The following DOCK3 variants were observed in gnomAD, a reference collection of about 807,000 sequenced individuals.
DOCK3 encodes the protein dedicator of cytokinesis protein 3.
Under a neutral mutation model 265.6 loss-of-function variants are expected in DOCK3, and 60 were observed. That is an observed-to-expected ratio of 0.23 (90% CI 0.18 to 0.28). The LOEUF is 0.28. DOCK3 is among the 10% of genes least tolerant of loss of function. The pLI is 1.00. For synonymous variants in DOCK3, 881 were observed against 938.0 expected (o/e 0.94, Z 1.11); for missense variants, 1,981 against 2,594.3 (o/e 0.76, Z 5.14).
At chr3:51,081,092 G>A (rs4244702) in intron 7 of DOCK3, among the ~76,000 whole-genome samples, 136,853 of 151,888 alleles carry the variant, frequency 0.9, 61,843 homozygotes, top group African/African-American at 0.95. Context: ...TTGCTAATAT[G>A]CACATGGATA....
At chr3:50,698,901 A>G (rs1265697696) in intron 1 of DOCK3, among the ~76,000 whole-genome samples, 2 of 152,086 alleles carry the variant, frequency 1.3e-5, no homozygotes, top group Non-Finnish European at 1.5e-5. Context: ...CTAGATATCA[A>G]TCCTTTATCA....
chr3:50,870,630 G>T (rs906486059), intron 3 of DOCK3, among the ~76,000 whole-genome samples: 9 of 151,964 alleles, frequency 5.9e-5, no homozygotes, highest in Non-Finnish European at 1.0e-4. Flanking sequence ...GATAAGTAAG[G>T]ACTTATTCCT....
At chr3:50,797,869 C>T (rs2042871832) in intron 2 of DOCK3, among the ~76,000 whole-genome samples, 1 of 152,030 alleles carries the variant, frequency 6.6e-6, no homozygotes, top group Non-Finnish European at 1.5e-5. Context: ...TTAATTGTTT[C>T]AACCTTTAAT....
At chr3:51,345,765 T>C (rs549889689) in intron 38 of DOCK3, among the ~76,000 whole-genome samples, 1 of 152,388 alleles carries the variant, frequency 6.6e-6, no homozygotes, top group African/African-American at 2.4e-5. Context: ...TAGAAAAATG[T>C]ACTCTTTTGA....
intron 7 of DOCK3, among the ~76,000 whole-genome samples, chr3:51,088,869 C>G (rs1211879090): frequency 6.6e-6 from 1 of 152,120 alleles, no homozygotes; most frequent in Non-Finnish European, 1.5e-5. Flanking sequence ...TTAAAGGCAT[C>G]ATTGTGGAAA....
intron 2 of DOCK3, among the ~76,000 whole-genome samples, chr3:50,819,975 A>G (rs2044309261): frequency 6.6e-6 from 1 of 152,168 alleles, no homozygotes. Flanking sequence ...ATAAAAAACA[A>G]CAACAACAAA....
In DOCK3 at chr3:51,232,556, A is replaced by G. The variant is rs147100639; in HGVS notation, c.1917+2947A>G. Among the ~76,000 whole-genome samples the G allele has an allele frequency of 1.3e-4, 20 of 152,278 alleles. No individual in the cohort carries two copies. In the East Asian group the frequency reaches 2.9e-3, roughly 22 times the overall value. Reference sequence around the variant, plus strand: ...ACTTCTGTTGTTTTTTGACTTTTCAATTATGGCCATTCTTGCAGGAGTAAG... The same window carrying G: ...ACTTCTGTTGTTTTTTGACTTTTCAGTTATGGCCATTCTTGCAGGAGTAAG... On this transcript the variant is annotated intron_variant, in intron 19 of 52. Coordinates refer to ENST00000266037, the MANE Select transcript of DOCK3 (RefSeq NM_004947.5).
intron 23 of DOCK3, among the ~76,000 whole-genome samples, chr3:51,269,298 T>C (rs557311101): frequency 3.6e-4 from 54 of 151,946 alleles, no homozygotes; most frequent in Non-Finnish European, 5.2e-4. Flanking sequence ...CCTTCTGTCC[T>C]GGTGTCTAAG....
At chr3:51,286,299 T>C (rs1047800826) in intron 27 of DOCK3, among the ~76,000 whole-genome samples, 2 of 152,078 alleles carry the variant, frequency 1.3e-5, no homozygotes, top group African/African-American at 4.8e-5. Flanking sequence ...ACAAAACTGC[T>C]AAAATAAATC....
intron 4 of DOCK3, among the ~76,000 whole-genome samples, chr3:50,927,122 G>A (rs1410697626): frequency 6.6e-6 from 1 of 152,118 alleles, no homozygotes; most frequent in Non-Finnish European, 1.5e-5. Context: ...CTGCCTTGAG[G>A]CTTCTATTGT....
intron 2 of DOCK3, among the ~76,000 whole-genome samples, chr3:50,806,415 C>CAGGG (rs2043418766): frequency 6.6e-6 from 1 of 151,782 alleles, no homozygotes. Flanking sequence ...TTGGGTAGGC[C>CAGGG]AGGGGCATGT....
chr3:51,267,060 T>C (rs2080216817), intron 23 of DOCK3, among the ~76,000 whole-genome samples: 1 of 151,966 alleles, frequency 6.6e-6, no homozygotes, highest in Non-Finnish European at 1.5e-5. Context: ...AACCAACATA[T>C]GAAAAAAAGC....
At chr3:51,157,796 C>CCT (rs2085925544) in intron 10 of DOCK3, among the ~76,000 whole-genome samples, 1 of 129,668 alleles carries the variant, frequency 7.7e-6, no homozygotes, top group Admixed American at 8.7e-5. Flanking sequence ...TTGATTGTAC[C>CCT]TTTTTTTTTT....
At chr3:51,294,677 C>CAAAAAAAAAAAAAAAAAAAAAAA (rs59339067) in intron 27 of DOCK3, among the ~76,000 whole-genome samples, 1 of 119,868 alleles carries the variant, frequency 8.3e-6, no homozygotes, top group African/African-American at 3.2e-5. Context: ...GACTCTATCT[C>CAAAAAAAAAAAAAAAAAAAAAAA]AAAAAAAAAA....
intron 2 of DOCK3, among the ~76,000 whole-genome samples, chr3:50,839,445 A>G (rs149203586): frequency 6.6e-4 from 100 of 152,198 alleles, no homozygotes; most frequent in African/African-American, 2.4e-3. Flanking sequence ...ACCATTTTGG[A>G]TTTCCATCAA....
At chr3:51,291,265 C>G (rs576587826) in intron 27 of DOCK3, among the ~76,000 whole-genome samples, 1 of 151,400 alleles carries the variant, frequency 6.6e-6, no homozygotes, top group Non-Finnish European at 1.5e-5. Context: ...AAAAACTAAC[C>G]CCAAAGTTAA....
chr3:50,739,112 T>C (rs1185455062), intron 1 of DOCK3, among the ~76,000 whole-genome samples: 1 of 152,152 alleles, frequency 6.6e-6, no homozygotes, highest in East Asian at 1.9e-4. Context: ...AAAAACATAT[T>C]CTCTAATCTA....
chr3:50,716,106 A>G (rs2037088013), intron 1 of DOCK3, among the ~76,000 whole-genome samples: 3 of 151,904 alleles, frequency 2.0e-5, no homozygotes, highest in African/African-American at 2.4e-5. Context: ...CAGTTTTGAT[A>G]TACTCTTATC....
rs557246816 is a variant in DOCK3, at chr3:50,746,493, G to A, written c.38-32182G>A. On this transcript the variant is annotated intron_variant, in intron 1 of 52. Coordinates refer to ENST00000266037, the MANE Select transcript of DOCK3 (RefSeq NM_004947.5). ...AAACCTTTGCCTAACCGAAGGTCAT[G>A]ACAATTTTCTCTGATAATGCCTTCT... Among the ~76,000 whole-genome samples the A allele has an allele frequency of 2.3e-3, 349 of 152,234 alleles. 1 individual carries two copies. The highest frequency in any genetic ancestry group is 4.1e-3 in the Admixed American group (63 of 15,292).
Sources: gnomAD v4.1 joint callset for allele counts (sites outside exome capture counted in the v4.1 genomes callset) on GRCh38, gnomAD v4.1.1 for gene constraint, MANE v1.5 for transcripts, NCBI Gene and HGNC (gene_info 2026-07-23, HGNC 2026-07-21) for gene names.